Variants in MCTP1 observed in about 807,000 individuals in gnomAD.
MCTP1 encodes the protein multiple C2 and transmembrane domain containing 1.
In MCTP1, 69 loss-of-function variants were observed where a neutral mutation model predicts 120.6. The ratio of observed to expected loss-of-function variants is 0.57; its 90% CI spans 0.47 to 0.70. The LOEUF (loss-of-function observed/expected upper bound fraction) is 0.70. MCTP1 is among the 30% of genes least tolerant of loss of function. MCTP1 has a pLI of 0.00. For synonymous variants in MCTP1, 529 were observed against 493.1 expected (o/e 1.07, Z -0.96); for missense variants, 1,203 against 1,248.8 (o/e 0.96, Z 0.55).
At position 94,953,860 on chromosome 5, in the gene MCTP1, C is replaced by CAT. The variant is rs1436226435; in HGVS notation, c.839-501_839-500dup. On this transcript the variant is annotated intron_variant, in intron 2 of 22. Transcript: ENST00000515393. ...ATATATATACACAACTATATATATG[C>CAT]ATATATATACAAATATATATGCATA... Among the ~76,000 whole-genome samples, 55 of 87,910 alleles carry CAT rather than the reference C, an allele frequency of 6.3e-4. 1 individual carries two copies. The highest frequency in any genetic ancestry group is 1.4e-3 in the Admixed American group (10 of 7,114). 57.7% of individuals were successfully genotyped at this position (87,910 alleles called of 152,430 possible). A position where few individuals can be genotyped will look rare whatever the true frequency, so the allele number is the denominator to read the frequency against.
chr5:95,068,436 A>C (rs1439687582), intron 1 of MCTP1, among the ~76,000 whole-genome samples: 1 of 152,200 alleles, frequency 6.6e-6, no homozygotes, highest in Non-Finnish European at 1.5e-5. Context: ...AGGAAATGAA[A>C]ACAAAACAAA....
intron 1 of MCTP1, among the ~76,000 whole-genome samples, chr5:95,107,707 TC>T (rs1757188921): frequency 6.6e-6 from 1 of 152,220 alleles, no homozygotes; most frequent in Non-Finnish European, 1.5e-5. Context: ...CTAAAAGTAT[TC>T]CTTTCTTTTT....
chr5:95,177,034 T>TGA (rs149455367), intron 1 of MCTP1, among the ~76,000 whole-genome samples: 422 of 149,520 alleles, frequency 2.8e-3, no homozygotes, highest in Middle Eastern at 7.0e-3. Flanking sequence ...CCAGCTAATT[T>TGA]GAGAGAGAGA....
chr5:94,796,555 A>ATG (rs113524744), intron 18 of MCTP1, among the ~76,000 whole-genome samples: 23,847 of 139,952 alleles, frequency 0.17, 2,950 homozygotes, highest in African/African-American at 0.34. Flanking sequence ...ATTCGTATAT[A>ATG]TGTGTGTGTG....
At chr5:95,049,387 G>A (rs72779403) in intron 1 of MCTP1, among the ~76,000 whole-genome samples, 6,644 of 152,150 alleles carry the variant, frequency 0.044, 266 homozygotes, top group Middle Eastern at 0.054. Context: ...TCAAGCAGAT[G>A]CCTCACATGA....
intron 1 of MCTP1, among the ~76,000 whole-genome samples, chr5:95,150,256 G>T (rs1162062059): frequency 6.6e-6 from 1 of 152,126 alleles, no homozygotes; most frequent in African/African-American, 2.4e-5. Context: ...AATGTTATAA[G>T]CATCTTTACT....
chr5:95,121,936 C>CAA (rs70978167), intron 1 of MCTP1, among the ~76,000 whole-genome samples: 59,633 of 111,750 alleles, frequency 0.53, 15,339 homozygotes, highest in Non-Finnish European at 0.63. Flanking sequence ...TATCCATATG[C>CAA]AAAAAAAAAA....
intron 1 of MCTP1, among the ~76,000 whole-genome samples, chr5:95,220,228 T>A (rs2152605903): frequency 6.6e-6 from 1 of 152,290 alleles, no homozygotes; most frequent in South Asian, 2.1e-4. Flanking sequence ...TTTTTGTGTG[T>A]GTTTAACCAA....
intron 1 of MCTP1, chr5:95,024,074 CT>C (rs1334775144): frequency 4.5e-6 from 2 of 447,710 alleles, no homozygotes; most frequent in Admixed American, 4.8e-5. Context: ...TAATTGTTTT[CT>C]TTGTTGTGCA....
At chr5:94,793,050 G>A (rs1779308707) in intron 18 of MCTP1, among the ~76,000 whole-genome samples, 1 of 152,050 alleles carries the variant, frequency 6.6e-6, no homozygotes, top group Non-Finnish European at 1.5e-5. Flanking sequence ...GTAATTCATA[G>A]GGCTCAGGGC....
In MCTP1 at chr5:95,136,018, A is replaced by C. The variant is rs187384790; in HGVS notation, c.721-118534T>G. On this transcript the variant is annotated intron_variant, in intron 1 of 22. Transcript: ENST00000515393. Reference sequence around the variant, plus strand: ...GAGTAGATTTCAATATAATTGAAGTAGGTTTTAAAATCTGTCCCTAAACTA... The same window carrying C: ...GAGTAGATTTCAATATAATTGAAGTCGGTTTTAAAATCTGTCCCTAAACTA... Among the ~76,000 whole-genome samples, 250 of 152,352 alleles carry C rather than the reference A, an allele frequency of 1.6e-3. 1 individual carries two copies. The highest frequency in any genetic ancestry group is 5.8e-3 in the African/African-American group (242 of 41,596).
intron 5 of MCTP1, 113 bp downstream of exon 5, chr5:94,939,971 G>A (rs1817173707): frequency 3.6e-6 from 2 of 557,248 alleles, no homozygotes; most frequent in Admixed American, 2.7e-5. Flanking sequence ...CAGAAACAAA[G>A]AACAGGGCAT....
At chr5:95,218,352 A>C (rs1753273868) in intron 1 of MCTP1, among the ~76,000 whole-genome samples, 1 of 152,134 alleles carries the variant, frequency 6.6e-6, no homozygotes, top group African/African-American at 2.4e-5. Flanking sequence ...GAAATGAATG[A>C]ATGGGAGAGT....
intron 17 of MCTP1, among the ~76,000 whole-genome samples, chr5:94,842,747 G>A (rs10515219): frequency 0.038 from 5,816 of 152,166 alleles, 176 homozygotes; most frequent in South Asian, 0.088. Flanking sequence ...TATATAAAGT[G>A]GTTTTAGCAA....
At chr5:95,177,807 A>C (rs1748181417) in intron 1 of MCTP1, among the ~76,000 whole-genome samples, 1 of 152,212 alleles carries the variant, frequency 6.6e-6, no homozygotes, top group Non-Finnish European at 1.5e-5. Context: ...GCTGGTTGAG[A>C]TCATATAAGG....
chr5:94,894,670 T>G lies in MCTP1; in HGVS notation c.1818A>C (p.Arg606=), dbSNP rs762098256. ...SVNSLEDQKE[R]EEILKRYSPL... ...GTACATATCTCTTTAATATCTCCTC[T>G]CGTTCCTTCTGGTCCTCCAGGGAGT... The change falls in exon 11 of 23, where the codon CGA becomes CGC. Residue 606 remains arginine, a synonymous_variant. Transcript: ENST00000515393. 1 of 1,610,256 alleles carries G rather than the reference T, an allele frequency of 6.2e-7. No homozygotes were observed.
At chr5:95,012,822 C>A (rs1192595328) in intron 2 of MCTP1, among the ~76,000 whole-genome samples, 1 of 152,000 alleles carries the variant, frequency 6.6e-6, no homozygotes, top group Admixed American at 6.6e-5. Flanking sequence ...ACAACATTAC[C>A]GAAATTAGGC....
intron 1 of MCTP1, among the ~76,000 whole-genome samples, chr5:95,207,924 C>T (rs1337247773): frequency 1.2e-4 from 12 of 97,376 alleles, no homozygotes; most frequent in South Asian, 6.7e-4. Flanking sequence ...AAAGAATGAG[C>T]GGGCGAGAGA....
In MCTP1 at chr5:94,807,920, G is replaced by GA. The variant is rs564461955; in HGVS notation, c.2437-8789dup. ...ATATGTGTATATACAAGTGTATACA[G>GA]AAAAAAAGCTAGGTATATTTCCTAT... On this transcript the variant is annotated intron_variant, in intron 17 of 22. Coordinates refer to ENST00000515393, the MANE Select transcript of MCTP1 (RefSeq NM_024717.7). 5.9e-5 allele frequency among the ~76,000 whole-genome samples: 9 copies of GA among 152,170 alleles called. No homozygotes were observed. The East Asian group carries it at 1.7e-3, about 29-fold the overall frequency.
Sources: allele counts gnomAD v4.1 joint callset (sites outside exome capture counted in the v4.1 genomes callset), GRCh38; gene constraint gnomAD v4.1.1; transcripts MANE v1.5; gene names NCBI Gene and HGNC (gene_info 2026-07-23, HGNC 2026-07-21).